Variants in ARHGEF18 observed in about 807,000 individuals in gnomAD.
ARHGEF18 encodes the protein Rho/Rac guanine nucleotide exchange factor 18, also known as rho guanine nucleotide exchange factor 18.
In ARHGEF18, 93 loss-of-function variants were observed where a neutral mutation model predicts 155.7. That is an observed-to-expected ratio of 0.60 (90% CI 0.50 to 0.71). ARHGEF18 has a LOEUF of 0.71. ARHGEF18 is among the 30% of genes least tolerant of loss of function. The probability of loss-of-function intolerance (pLI) is 0.00; values close to 1 mark genes in which losing one functional copy is unlikely to be tolerated. For synonymous variants in ARHGEF18, 742 were observed against 753.1 expected, an observed-to-expected ratio of 0.99 and a Z score of 0.24; for missense variants, 1,593 against 1,816.1, an observed-to-expected ratio of 0.88 and a Z score of 2.23.
At chr19:7,408,328 A>G (rs1385183000) in intron 10 of ARHGEF18, among the ~76,000 whole-genome samples, 4 of 152,198 alleles carry the variant, frequency 2.6e-5, no homozygotes, top group African/African-American at 4.8e-5. Flanking sequence ...TGCAGCCCAC[A>G]TAGCCTCTGT....
intron 1 of ARHGEF18, among the ~76,000 whole-genome samples, chr19:7,360,883 G>A (rs1459239191): frequency 6.6e-6 from 1 of 152,192 alleles, no homozygotes. Flanking sequence ...GCTGAACAGA[G>A]TCCCTCCAAC....
Position 7,444,244 on chromosome 19 carries a change from G to T in ARHGEF18, c.1401G>T (p.Lys467Asn). 1 of 1,613,638 alleles carries T rather than the reference G, an allele frequency of 6.2e-7. No homozygotes were observed. The highest frequency in any genetic ancestry group is 8.5e-7 in the Non-Finnish European group (1 of 1,180,034). ...QTEVHHVRTL[K>N]IMLKVYSRAL... ...AGGTGCACCACGTGCGGACGCTCAA[G>T]ATCATGCTGAAGGTGTACTCCAGGG... Residue 467 changes from lysine (K) to asparagine (N), a missense_variant, in exon 14 of 29, where the codon AAG becomes AAT. Coordinates refer to ENST00000668164, the MANE Select transcript of ARHGEF18 (RefSeq NM_001367823.1). The surrounding 1 kb of genome is among the most constrained non-coding windows in gnomAD (Gnocchi z 4.7).
chr19:7,432,813 C>T (rs567665986), intron 10 of ARHGEF18, among the ~76,000 whole-genome samples: 116 of 152,282 alleles, frequency 7.6e-4, no homozygotes, highest in South Asian at 2.7e-3. Context: ...GTCAGTGTGC[C>T]TCTAGATTAT....
rs572894452 is a variant in ARHGEF18 at position 7,447,082 on chromosome 19, G to A, written c.1651G>A (p.Gly551Ser). 27 of 1,613,628 alleles carry A rather than the reference G, an allele frequency of 1.7e-5. No individual in the cohort carries two copies. The highest frequency in any genetic ancestry group is 2.2e-5 in the East Asian group (1 of 44,882). ...TGGGGAGAGAATGAAAGAAAAGTAC[G>A]GTGTGTTTTGTAGTGGCCACAATGA... ...ENGERMKEKY[G>S]VFCSGHNEAV... Residue 551 changes from glycine to serine, a missense_variant, in exon 15 of 29, where the codon GGT becomes AGT. Gly to Ser is a moderately conservative substitution (Grantham distance 56). Transcript: ENST00000668164.
intron 8 of ARHGEF18, 35 bp downstream of exon 8, chr19:7,381,029 C>T (rs1970708504): frequency 8.1e-7 from 1 of 1,227,094 alleles, no homozygotes; most frequent in South Asian, 4.1e-5. Flanking sequence ...GGAGGGCAGC[C>T]TTGGATTCGA....
intron 10 of ARHGEF18, among the ~76,000 whole-genome samples, chr19:7,397,293 TCTCA>T (rs1281761614): frequency 1.3e-5 from 2 of 151,910 alleles, no homozygotes; most frequent in Admixed American, 6.6e-5. Context: ...AGAGACAGGG[TCTCA>T]CTCTGTTGCC....
chr19:7,394,441 C>G (rs185712889), intron 10 of ARHGEF18, among the ~76,000 whole-genome samples: 1 of 151,988 alleles, frequency 6.6e-6, no homozygotes, highest in Non-Finnish European at 1.5e-5. Context: ...GGAGTGCCCC[C>G]CTTAGGTACT....
rs1247680015 is a variant in ARHGEF18 at position 7,467,333 on chromosome 19, A to G, written c.3129A>G (p.Gln1043=). The change falls in exon 26 of 29, where the codon CAA becomes CAG. Residue 1043 remains glutamine (Q), a synonymous_variant. Transcript: ENST00000668164. ...ACCTGCTGCTGGAGCAGGAGCGGCA[A>G]CGCAACTTCGAGAAGCAGCGGGAGG... ...RGNLLLEQER[Q]RNFEKQREER... is the part of the protein sequence containing the mutation. 1 of 1,537,922 alleles carries G rather than the reference A, an allele frequency of 6.5e-7. No individual in the cohort carries two copies. Among genetic ancestry groups the G allele is most frequent in the Non-Finnish European group, 8.7e-7 (1 of 1,146,848 alleles).
chr19:7,444,561 AG>A lies in ARHGEF18; in HGVS notation c.1611+108del. On this transcript the variant is annotated intron_variant, in intron 14 of 28. Transcript: ENST00000668164. This position sits in a 1 kb window ranked among gnomAD's most constrained non-coding sequence, Gnocchi z 4.7. ...GGTCTTGCCGTGTCGCCCAGGCTGG[AG>A]TGCAGTGGTGCAGTCACAGCTCAAT... 2.1e-6 allele frequency: 3 copies of A among 1,459,194 alleles called. No homozygotes were observed. Among genetic ancestry groups the A allele is most frequent in the Non-Finnish European group, 2.7e-6 (3 of 1,094,498 alleles). The allele number at this position is 1,459,194 out of a possible 1,614,324, so 90.4% of individuals were successfully genotyped here.
chr19:7,470,606 G>A lies in ARHGEF18; in HGVS notation c.*308G>A, dbSNP rs182136061. On this transcript the variant is annotated 3_prime_UTR_variant, in exon 29 of 29. Coordinates refer to ENST00000668164, the MANE Select transcript of ARHGEF18 (RefSeq NM_001367823.1). This position sits in a 1 kb window ranked among gnomAD's most constrained non-coding sequence, Gnocchi z 5.9. ...TGTCTGAAATCATAGCACCCCATCC[G>A]GGTGGCGGGGAGATCAACTCCGAGC... The A allele has an allele frequency of 8.3e-5, 33 of 397,046 alleles. 1 individual carries two copies. Among genetic ancestry groups the A allele is most frequent in the South Asian group, 5.7e-4 (4 of 7,056 alleles). The allele number at this position is 397,046 out of a possible 1,614,324, so 24.6% of individuals were successfully genotyped here. A position where few individuals can be genotyped will look rare whatever the true frequency, so the allele number is the denominator to read the frequency against.
In ARHGEF18 at chr19:7,440,348, G is replaced by A. The variant is rs751160720; in HGVS notation, c.972G>A (p.Ser324=). 6.2e-6 allele frequency: 10 copies of A among 1,612,594 alleles called. No homozygotes were observed. The African/African-American group carries it at 1.1e-4, about 17-fold the overall frequency. The stretch of plus-strand genomic sequence containing the variant: ...CTGTCCTTGCCTCTGTCACAGCCTC[G>A]CTCAAGGAGCACCCCCGGGGCACCC... ...LCGKPFLSSA[S]LKEHPRGTLL... The change falls in exon 11 of 29, where the codon TCG becomes TCA. Residue 324 remains serine (S), a synonymous_variant. Coordinates refer to ENST00000668164, the MANE Select transcript of ARHGEF18 (RefSeq NM_001367823.1). This position sits in a 1 kb window ranked among gnomAD's most constrained non-coding sequence, Gnocchi z 5.4.
chr19:7,447,587 T>G (rs1167356921), intron 15 of ARHGEF18, among the ~76,000 whole-genome samples: 2 of 152,138 alleles, frequency 1.3e-5, no homozygotes, highest in African/African-American at 4.8e-5. Flanking sequence ...TCTTGAGACT[T>G]GGGAATTAAA....
chr19:7,431,006 T>C lies in ARHGEF18; in HGVS notation c.968-9338T>C, dbSNP rs1327296407. Among the ~76,000 whole-genome samples the C allele has an allele frequency of 2.0e-5, 3 of 151,324 alleles. No homozygotes were observed. The East Asian group carries it at 5.9e-4, about 30-fold the overall frequency. On this transcript the variant is annotated intron_variant, in intron 10 of 28. Transcript: ENST00000668164. ...ACATAGCCAGATCCCATCTCTAAAT[T>C]AGCCAGGTGTGATAGCACACACCTA...
At chr19:7,450,673 A>G (rs1975352073) in intron 15 of ARHGEF18, among the ~76,000 whole-genome samples, 2 of 152,426 alleles carry the variant, frequency 1.3e-5, no homozygotes, top group African/African-American at 2.4e-5. Context: ...CATTTCCGAG[A>G]TGTTAATGCG....
intron 10 of ARHGEF18, among the ~76,000 whole-genome samples, chr19:7,411,251 T>TCTTCCCCTTCCCCTTCCCCTTCC (rs1972658759): frequency 7.8e-6 from 1 of 128,910 alleles, no homozygotes; most frequent in African/African-American, 2.8e-5. Flanking sequence ...TTCCCCTACC[T>TCTTCCCCTTCCCCTTCCCCTTCC]CTTCCCCTTC....
chr19:7,355,310 T>G (rs1237691501), intron 1 of ARHGEF18, among the ~76,000 whole-genome samples: 1 of 151,892 alleles, frequency 6.6e-6, no homozygotes, highest in Non-Finnish European at 1.5e-5. Context: ...CAGACATCCA[T>G]GCACACCCAG....
rs769724002 is a variant in ARHGEF18, at chr19:7,447,028, C to T, written c.1612-15C>T. ...TTTCGTGTTTAATTAACATTTCCAT[C>T]CTTTTGTTTATCAGTTTTCAGGTGA... On this transcript the variant is annotated splice_polypyrimidine_tract_variant and intron_variant, in intron 14 of 28. Coordinates refer to ENST00000668164, the MANE Select transcript of ARHGEF18 (RefSeq NM_001367823.1). 6.2e-7 allele frequency: 1 copy of T among 1,609,872 alleles called. No individual in the cohort carries two copies.
intron 10 of ARHGEF18, among the ~76,000 whole-genome samples, chr19:7,430,122 T>C (rs577928493): frequency 6.6e-6 from 1 of 152,268 alleles, no homozygotes; most frequent in Non-Finnish European, 1.5e-5. Context: ...AAATTTCACC[T>C]ATTTTTCTGC....
chr19:7,453,426 A>G (rs373452378), intron 16 of ARHGEF18, 41 bp from the exon 17 acceptor site: 313 of 1,550,374 alleles, frequency 2.0e-4, no homozygotes, highest in Middle Eastern at 1.9e-3. Flanking sequence ...CTGTTGTGTT[A>G]AAGTGGAAAA....
Sources: allele counts gnomAD v4.1 joint callset (sites outside exome capture counted in the v4.1 genomes callset), GRCh38; gene constraint gnomAD v4.1.1; non-coding constraint Gnocchi (gnomAD v3.1); transcripts MANE v1.5; gene names NCBI Gene and HGNC (gene_info 2026-07-23, HGNC 2026-07-21).